ENPP3: variants seen among roughly 807,000 people sequenced by gnomAD.
ENPP3 encodes ectonucleotide pyrophosphatase/phosphodiesterase 3.
In ENPP3, 104 loss-of-function variants were observed where a neutral mutation model predicts 117.8. The observed-to-expected ratio is 0.88, with a 90% CI of 0.75 to 1.04. The LOEUF (loss-of-function observed/expected upper bound fraction) is 1.04, where lower values mean the gene tolerates loss of function less well. Among genes scored for constraint, ENPP3 ranks in the 50% least tolerant of loss-of-function variants. The pLI is 0.00. For synonymous variants in ENPP3, 380 were observed against 349.9 expected (o/e 1.09, Z -0.96); for missense variants, 1,026 against 1,051.9 (o/e 0.98, Z 0.34).
Position 131,652,552 on chromosome 6 carries a change from G to A in ENPP3, c.288G>A (p.Trp96Ter), listed in dbSNP as rs1347814226. 6.2e-7 allele frequency: 1 copy of A among 1,613,890 alleles called. No homozygotes were observed. The highest frequency in any genetic ancestry group is 8.5e-7 in the Non-Finnish European group (1 of 1,179,890). The change falls in exon 4 of 25, where the codon TGG (tryptophan) becomes TGA (stop). Residue 96 changes from tryptophan (W) to a stop codon, truncating the protein, a stop_gained. Coordinates refer to ENST00000357639, the MANE Select transcript of ENPP3 (RefSeq NM_005021.5). LOFTEE classifies it high-confidence loss of function. ...EDTCVESTRIWMCNKFRCGET... is the reference protein window; with the variant it reads ...EDTCVESTRI Reference sequence around the variant, plus strand: ...TGTATCGTTTTACAGCTCGAATATGGATGTGCAATAAATTTCGTTGTGGAG... The same window carrying A: ...TGTATCGTTTTACAGCTCGAATATGAATGTGCAATAAATTTCGTTGTGGAG...
chr6:131,747,092 A>G lies in ENPP3; in HGVS notation c.*136A>G. Reference sequence around the variant, plus strand: ...TCCCCTAAAAGCCATAATTTTTATTATTCCTTTTTCTCTTTTTTCAATTCT... The same window carrying G: ...TCCCCTAAAAGCCATAATTTTTATTGTTCCTTTTTCTCTTTTTTCAATTCT... On this transcript the variant is annotated 3_prime_UTR_variant, in exon 25 of 25. Transcript: ENST00000357639. 2.0e-6 allele frequency: 1 copy of G among 491,354 alleles called. No homozygotes were observed. The highest frequency in any genetic ancestry group is 3.5e-6 in the Non-Finnish European group (1 of 284,856). The allele number at this position is 491,354 out of a possible 1,614,324, so 30.4% of individuals were successfully genotyped here. A position where few individuals can be genotyped will look rare whatever the true frequency, so the allele number is the denominator to read the frequency against.
At chr6:131,698,485 C>T (rs1381200399) in intron 15 of ENPP3, among the ~76,000 whole-genome samples, 1 of 42,280 alleles carries the variant, frequency 2.4e-5, no homozygotes, top group Non-Finnish European at 4.8e-5. Flanking sequence ...TCCTATCAAT[C>T]AATCATGCAA....
chr6:131,712,556 C>A (rs1779811180), intron 15 of ENPP3, among the ~76,000 whole-genome samples: 1 of 129,328 alleles, frequency 7.7e-6, no homozygotes, highest in South Asian at 2.3e-4. Flanking sequence ...AGTTTTTAGT[C>A]CCTGATGATC....
rs902724415 is a variant in ENPP3 at position 131,683,154 on chromosome 6, C to T, written c.1112C>T (p.Ala371Val). The T allele has an allele frequency of 5.1e-6, 8 of 1,569,102 alleles. No individual in the cohort carries two copies. In the Admixed American group the frequency reaches 1.0e-4, roughly 20 times the overall value. The stretch of plus-strand genomic sequence containing the variant: ...AACTGTGTCAATATCATCCTTCTGG[C>T]TGACCATGGTATGCTTTTAAAAAAC... The part of the protein sequence containing the change: ...LHNCVNIILL[A>V]DHGMDQTYCN... Residue 371 changes from alanine (A) to valine (V), a missense_variant, in exon 12 of 25, where the codon GCT becomes GTT. Ala to Val is a moderately conservative substitution (Grantham distance 64, BLOSUM62 0). Transcript: ENST00000357639.
intron 6 of ENPP3, among the ~76,000 whole-genome samples, chr6:131,667,603 G>C (rs1778645240): frequency 6.6e-6 from 1 of 152,168 alleles, no homozygotes. Flanking sequence ...TTCCCCCTTG[G>C]GGAGAAACTA....
intron 1 of ENPP3, 92 bp from the exon 2 acceptor site, chr6:131,641,345 ATAACTAGTACGCTGCAGG>A: frequency 6.7e-6 from 4 of 596,122 alleles, no homozygotes; most frequent in Non-Finnish European, 1.2e-5. Flanking sequence ...GGTATCTGGC[ATAACTAGTACGCTGCAGG>A]TACTTAGAGA....
At chr6:131,737,518 A>G (rs772605223) in intron 22 of ENPP3, 86 bp downstream of exon 22, 2 of 775,840 alleles carry the variant, frequency 2.6e-6, no homozygotes, top group African/African-American at 1.7e-5. Flanking sequence ...TTTAATTGCA[A>G]TTTGTTCCTG....
chr6:131,652,317 A>G (rs1320187212), intron 3 of ENPP3, among the ~76,000 whole-genome samples: 3 of 152,196 alleles, frequency 2.0e-5, no homozygotes, highest in Non-Finnish European at 2.9e-5. Context: ...TGTACCTGCT[A>G]AGTAAACCTG....
At chr6:131,672,751 TA>T (rs1410823971) in intron 7 of ENPP3, among the ~76,000 whole-genome samples, 2 of 151,468 alleles carry the variant, frequency 1.3e-5, no homozygotes, top group Non-Finnish European at 2.9e-5. Flanking sequence ...ACTATTTATA[TA>T]TTTTTATACA....
At chr6:131,649,060 C>T (rs1004902052) in intron 2 of ENPP3, among the ~76,000 whole-genome samples, 2 of 152,182 alleles carry the variant, frequency 1.3e-5, no homozygotes, top group Non-Finnish European at 2.9e-5. Flanking sequence ...CTTTTCTTCA[C>T]TCTTTATATA....
chr6:131,652,682 G>A lies in ENPP3; in HGVS notation c.403+15G>A, dbSNP rs1778288619. ...TGTTTGCCAAGGTGAGCAGGAGGAT[G>A]TTGACTCATTTGCCCCTGCGAGTTT... On this transcript the variant is annotated intron_variant, in intron 4 of 24. Transcript: ENST00000357639. 4 of 1,613,926 alleles carry A rather than the reference G, an allele frequency of 2.5e-6. No homozygotes were observed. Among genetic ancestry groups the A allele is most frequent in the Non-Finnish European group, 3.4e-6 (4 of 1,179,872 alleles).
chr6:131,737,146 AG>A, intron 21 of ENPP3, among the ~76,000 whole-genome samples: 1 of 152,338 alleles, frequency 6.6e-6, no homozygotes, highest in East Asian at 1.9e-4. Flanking sequence ...AGGAATGGTT[AG>A]GACTTGGATG....
intron 9 of ENPP3, among the ~76,000 whole-genome samples, chr6:131,676,376 G>A (rs1452991892): frequency 2.0e-5 from 3 of 151,542 alleles, no homozygotes; most frequent in Non-Finnish European, 4.4e-5. Context: ...TTTCCTCACT[G>A]ATACATTCTG....
chr6:131,652,033 G>A (rs1167034398), intron 3 of ENPP3, among the ~76,000 whole-genome samples: 1 of 152,188 alleles, frequency 6.6e-6, no homozygotes, highest in East Asian at 1.9e-4. Context: ...CCATAGCCTG[G>A]GAGAACCCCT....
intron 3 of ENPP3, among the ~76,000 whole-genome samples, chr6:131,651,185 G>A (rs1420883211): frequency 6.6e-6 from 1 of 151,684 alleles, no homozygotes; most frequent in Non-Finnish European, 1.5e-5. Flanking sequence ...ATCCCAAAGT[G>A]CTGGGATTAC....
chr6:131,697,672 G>A (rs1779438193), intron 15 of ENPP3, among the ~76,000 whole-genome samples: 1 of 151,926 alleles, frequency 6.6e-6, no homozygotes, highest in African/African-American at 2.4e-5. Context: ...TATATTCCTT[G>A]CATGGGCAGT....
intron 6 of ENPP3, 23 bp from the exon 7 acceptor site, chr6:131,671,224 AT>A: frequency 7.2e-7 from 1 of 1,382,754 alleles, no homozygotes. Flanking sequence ...CAACTTCCTA[AT>A]TTCTCACCAT....
rs749109103 is a variant in ENPP3 at position 131,674,212 on chromosome 6, A to G, written c.693A>G (p.Val231=). The change falls in exon 8 of 25, where the codon GTA becomes GTG. Residue 231 remains valine (V), a synonymous_variant. Transcript: ENST00000357639. ...TCATTGACAATAATATGTATGATGT[A>G]AATCTCAACAAGAATTTTTCACTTT... ...HGIIDNNMYD[V]NLNKNFSLSS... is the part of the protein sequence containing the mutation. 2 of 1,599,376 alleles carry G rather than the reference A, an allele frequency of 1.3e-6. No homozygotes were observed. The highest frequency in any genetic ancestry group is 1.3e-5 in the African/African-American group (1 of 74,510).
Position 131,650,152 on chromosome 6 carries a change from A to G in ENPP3, c.277+3A>G. On this transcript the variant is annotated splice_donor_region_variant and intron_variant, in intron 3 of 24. Transcript: ENST00000357639. ...TGAAGACACCTGTGTGGAATCAAGT[A>G]TGAGTTCTGAGAATAAGTTTATTAG... 3.7e-6 allele frequency: 6 copies of G among 1,613,942 alleles called. No individual in the cohort carries two copies. Among genetic ancestry groups the G allele is most frequent in the South Asian group, 1.1e-5 (1 of 91,074 alleles).
Sources: gnomAD v4.1 joint callset for allele counts (sites outside exome capture counted in the v4.1 genomes callset) on GRCh38, gnomAD v4.1.1 for gene constraint, MANE v1.5 for transcripts, NCBI Gene and HGNC (gene_info 2026-07-23, HGNC 2026-07-21) for gene names.